BLVRB: variants seen among roughly 807,000 people sequenced by gnomAD.
BLVRB encodes flavin reductase (NADPH).
A neutral mutation model predicts 21.1 loss-of-function variants in BLVRB; 25 were observed. That is an observed-to-expected ratio of 1.19 (90% CI 0.86 to 1.66). BLVRB has a LOEUF of 1.66. Among genes scored for constraint, BLVRB ranks in the 40% most tolerant of loss-of-function variants. BLVRB has a pLI of 0.00. For missense variants in BLVRB, 274 were observed against 282.7 expected, an observed-to-expected ratio of 0.97 and a Z score of 0.22; for synonymous variants, 128 against 122.2, an observed-to-expected ratio of 1.05 and a Z score of -0.31.
chr19:40,454,367 G>A (rs1172988054), intron 3 of BLVRB, among the ~76,000 whole-genome samples: 1 of 151,954 alleles, frequency 6.6e-6, no homozygotes, highest in Admixed American at 6.6e-5. Context: ...GACCTCAAGC[G>A]ATCCACCTGC....
At chr19:40,459,850 C>T (rs2079778984) in intron 1 of BLVRB, among the ~76,000 whole-genome samples, 2 of 152,178 alleles carry the variant, frequency 1.3e-5, no homozygotes, top group African/African-American at 4.8e-5. Flanking sequence ...GGATTACAGG[C>T]GTAAGCCACT....
Position 40,452,504 on chromosome 19 carries a change from T to A in BLVRB, c.335-1012A>T, listed in dbSNP as rs2079744237. Among the ~76,000 whole-genome samples, 3 of 151,518 alleles carry A rather than the reference T, an allele frequency of 2.0e-5. No homozygotes were observed. The South Asian group carries it at 6.3e-4, about 32-fold the overall frequency. ...TTTTTTTTTTTTTTTGAGACAGAGT[T>A]TCCTTCCCTCTTGCCACCCAGGCTG... On this transcript the variant is annotated intron_variant, in intron 3 of 4. Transcript: ENST00000263368.
At chr19:40,459,568 G>A (rs559871765) in intron 1 of BLVRB, among the ~76,000 whole-genome samples, 2 of 150,574 alleles carry the variant, frequency 1.3e-5, no homozygotes, top group East Asian at 3.9e-4. Context: ...ACCACACCTG[G>A]CTATCATTAT....
In BLVRB at chr19:40,465,712, G is replaced by A; in HGVS notation, c.-24C>T. The A allele has an allele frequency of 1.9e-6, 3 of 1,609,940 alleles. No homozygotes were observed. Among genetic ancestry groups the A allele is most frequent in the Non-Finnish European group, 2.5e-6 (3 of 1,177,856 alleles). On this transcript the variant is annotated 5_prime_UTR_variant, in exon 1 of 5. Coordinates refer to ENST00000263368, the MANE Select transcript of BLVRB (RefSeq NM_000713.3). ...ATCGTACGGGATCGTGGGGGTGCAA[G>A]GCCTCAGAGTCTCGGCACGCGCGGG... is the stretch of plus-strand genomic sequence containing the variant.
At chr19:40,451,620 C>A in intron 3 of BLVRB, 128 bp from the exon 4 acceptor site, 5 of 1,282,832 alleles carry the variant, frequency 3.9e-6, no homozygotes, top group Non-Finnish European at 5.1e-6. Context: ...GCAACCTCTG[C>A]CTCCCGGGTT....
At position 40,448,049 on chromosome 19, in the gene BLVRB, A is replaced by C; in HGVS notation, c.464-3T>G. 3 of 1,610,548 alleles carry C rather than the reference A, an allele frequency of 1.9e-6. No homozygotes were observed. The highest frequency in any genetic ancestry group is 1.7e-6 in the Non-Finnish European group (2 of 1,177,126). ...CGCCCCAGTTAGTGGCTGGTCTCCTATGAAGTAAAGACAAGAGGGGCTGGA... is the reference window on the plus strand; with the variant it reads ...CGCCCCAGTTAGTGGCTGGTCTCCTCTGAAGTAAAGACAAGAGGGGCTGGA... On this transcript the variant is annotated splice_region_variant and splice_polypyrimidine_tract_variant and intron_variant, in intron 4 of 4. Transcript: ENST00000263368.
At chr19:40,456,719 T>C (rs910374617) in intron 3 of BLVRB, among the ~76,000 whole-genome samples, 3 of 152,058 alleles carry the variant, frequency 2.0e-5, no homozygotes, top group Non-Finnish European at 4.4e-5. Flanking sequence ...AAACCTTGTC[T>C]CTACCAAAAA....
chr19:40,460,457 G>A (rs571943117), intron 1 of BLVRB, among the ~76,000 whole-genome samples: 2 of 149,754 alleles, frequency 1.3e-5, no homozygotes, highest in South Asian at 2.1e-4. Context: ...GTGAAACCCC[G>A]TCTCTGCAAA....
At chr19:40,460,247 CATATAT>C (rs57153004) in intron 1 of BLVRB, among the ~76,000 whole-genome samples, 27,095 of 121,464 alleles carry the variant, frequency 0.22, 3,718 homozygotes, top group South Asian at 0.27. Flanking sequence ...GTAATAGCAA[CATATAT>C]ATATATATAT....
chr19:40,452,705 A>C (rs2079745306), intron 3 of BLVRB, among the ~76,000 whole-genome samples: 1 of 151,944 alleles, frequency 6.6e-6, no homozygotes, highest in Non-Finnish European at 1.5e-5. Context: ...TCTCTAGTAA[A>C]AATACAAAAG....
rs1172361174 is a variant in BLVRB at position 40,458,551 on chromosome 19, G to A, written c.80-6C>T. 32 of 1,595,516 alleles carry A rather than the reference G, an allele frequency of 2.0e-5. No homozygotes were observed. Among genetic ancestry groups the A allele is most frequent in the Non-Finnish European group, 2.7e-5 (32 of 1,169,460 alleles). ...CAGCACTGTCACTTCGTAACCTGTG[G>A]GCAAAGAGGAGCAGAGAGCCTGGTC... On this transcript the variant is annotated splice_region_variant and splice_polypyrimidine_tract_variant and intron_variant, in intron 1 of 4. Transcript: ENST00000263368.
At chr19:40,460,470 A>C (rs1226952781) in intron 1 of BLVRB, among the ~76,000 whole-genome samples, 1 of 150,994 alleles carries the variant, frequency 6.6e-6, no homozygotes, top group Non-Finnish European at 1.5e-5. Flanking sequence ...TCTGCAAAAA[A>C]AATAAAAAAA....
intron 3 of BLVRB, among the ~76,000 whole-genome samples, chr19:40,455,451 T>C (rs968742433): frequency 2.0e-5 from 3 of 152,198 alleles, no homozygotes; most frequent in Non-Finnish European, 2.9e-5. Flanking sequence ...GGCTCATGCC[T>C]GTAATCCAGC....
At chr19:40,460,247 C>CATATATATATATATATATATATATATAT (rs57153004) in intron 1 of BLVRB, among the ~76,000 whole-genome samples, 52 of 121,118 alleles carry the variant, frequency 4.3e-4, no homozygotes, top group Admixed American at 1.1e-3. Flanking sequence ...GTAATAGCAA[C>CATATATATATATATATATATATATATAT]ATATATATAT....
rs201340561 is a variant in BLVRB at position 40,448,597 on chromosome 19, C to CAACAACAACAAT, written c.464-552_464-551insATTGTTGTTGTT. Among the ~76,000 whole-genome samples, 202 of 110,522 alleles carry CAACAACAACAAT rather than the reference C, an allele frequency of 1.8e-3. 1 individual carries two copies. The highest frequency in any genetic ancestry group is 4.1e-3 in the South Asian group (13 of 3,192). The allele number at this position is 110,522 out of a possible 152,430, so 72.5% of individuals were successfully genotyped here. ...CAGAGCAAGACCTTGTCTCTAACAACAACAACAACAAATATATATATATAT... is the reference window on the plus strand; with the variant it reads ...CAGAGCAAGACCTTGTCTCTAACAACAACAACAACAATAACAACAACAAATATATATATATAT... On this transcript the variant is annotated intron_variant, in intron 4 of 4. Coordinates refer to ENST00000263368, the MANE Select transcript of BLVRB (RefSeq NM_000713.3).
At position 40,448,042 on chromosome 19, in the gene BLVRB, G is replaced by T; in HGVS notation, c.468C>A (p.Asp156Glu). The T allele has an allele frequency of 6.2e-7, 1 of 1,612,810 alleles. No individual in the cohort carries two copies. The highest frequency in any genetic ancestry group is 8.5e-7 in the Non-Finnish European group (1 of 1,179,030). Residue 156 changes from aspartate to glutamate, a missense_variant, in exon 5 of 5, where the codon GAC becomes GAA. Asp to Glu is a conservative substitution (Grantham distance 45). Coordinates refer to ENST00000263368, the MANE Select transcript of BLVRB (RefSeq NM_000713.3). ...YVAVMPPHIG[D>E]QPLTGAYTVT... ...CTGTGTACGCCCCAGTTAGTGGCTG[G>T]TCTCCTATGAAGTAAAGACAAGAGG...
At chr19:40,457,111 T>A (rs1056905178) in intron 3 of BLVRB, among the ~76,000 whole-genome samples, 7 of 148,738 alleles carry the variant, frequency 4.7e-5, no homozygotes, top group Non-Finnish European at 5.9e-5. Flanking sequence ...AGACTGAGGC[T>A]GCAGTGAGCC....
intron 3 of BLVRB, among the ~76,000 whole-genome samples, chr19:40,454,518 A>C (rs2079753980): frequency 6.6e-6 from 1 of 151,004 alleles, no homozygotes. Flanking sequence ...TCACAATCTC[A>C]AATCCAGTCT....
intron 3 of BLVRB, among the ~76,000 whole-genome samples, chr19:40,456,948 A>G (rs1364003239): frequency 9.9e-5 from 15 of 151,986 alleles, no homozygotes; most frequent in Admixed American, 9.2e-4. Flanking sequence ...GGAGAAAAAA[A>G]CAAAACTAAA....
Sources: gnomAD v4.1 joint callset for allele counts (sites outside exome capture counted in the v4.1 genomes callset) on GRCh38, gnomAD v4.1.1 for gene constraint, MANE v1.5 for transcripts, NCBI Gene and HGNC (gene_info 2026-07-23, HGNC 2026-07-21) for gene names.